GHR: variants seen among roughly 807,000 people sequenced by gnomAD.
GHR encodes the protein GH receptor.
Under a neutral mutation model 67.1 loss-of-function variants are expected in GHR, and 35 were observed. The observed-to-expected ratio is 0.52, with a 90% CI of 0.40 to 0.69. The LOEUF (loss-of-function observed/expected upper bound fraction) is 0.69, where lower values mean the gene tolerates loss of function less well. Among genes scored for constraint, GHR ranks in the 30% least tolerant of loss-of-function variants. The pLI is 0.00. For synonymous variants in GHR, 272 were observed against 269.1 expected (o/e 1.01, Z -0.10); for missense variants, 792 against 764.6 (o/e 1.04, Z -0.42).
Position 42,548,438 on chromosome 5 carries a change from A to T in GHR, c.-11-17426A>T, listed in dbSNP as rs1442806916. ...ATCTGCTTGCATATATGAGTGAAAG[A>T]AAAAGGAAATTTAAAAAGTTCTTGA... On this transcript the variant is annotated intron_variant, in intron 1 of 9. Transcript: ENST00000230882. 4.1e-6 allele frequency: 4 copies of T among 984,968 alleles called. No individual in the cohort carries two copies. In the African/African-American group the frequency reaches 7.0e-5, roughly 17 times the overall value. 61.0% of individuals were successfully genotyped at this position (984,968 alleles called of 1,614,324 possible). A position where few individuals can be genotyped will look rare whatever the true frequency, so the allele number is the denominator to read the frequency against.
intron 7 of GHR, among the ~76,000 whole-genome samples, chr5:42,712,737 A>G (rs183828471): frequency 6.6e-6 from 1 of 152,148 alleles, no homozygotes; most frequent in East Asian, 1.9e-4. Context: ...TTAAGGAATG[A>G]AATAGAAGTT....
intron 2 of GHR, among the ~76,000 whole-genome samples, chr5:42,581,313 C>T (rs956589218): frequency 2.0e-5 from 3 of 152,158 alleles, no homozygotes; most frequent in Admixed American, 6.5e-5. Context: ...TAGAATTTTC[C>T]TACTTGCAAG....
At chr5:42,594,844 A>C (rs1011562818) in intron 2 of GHR, among the ~76,000 whole-genome samples, 1 of 152,214 alleles carries the variant, frequency 6.6e-6, no homozygotes, top group Non-Finnish European at 1.5e-5. Context: ...AAAACAACAC[A>C]TCCCATTAGC....
At chr5:42,579,969 T>G (rs1424901285) in intron 2 of GHR, among the ~76,000 whole-genome samples, 1 of 152,066 alleles carries the variant, frequency 6.6e-6, no homozygotes, top group African/African-American at 2.4e-5. Context: ...TCTATTGGTA[T>G]ATTCAAGTTT....
chr5:42,663,606 G>A (rs1259804645), intron 3 of GHR, among the ~76,000 whole-genome samples: 1 of 152,080 alleles, frequency 6.6e-6, no homozygotes, highest in Non-Finnish European at 1.5e-5. Context: ...AAAATAATAA[G>A]AGCTATATAT....
intron 3 of GHR, among the ~76,000 whole-genome samples, chr5:42,633,599 C>T (rs1001959149): frequency 1.3e-5 from 2 of 152,092 alleles, no homozygotes; most frequent in Admixed American, 1.3e-4. Flanking sequence ...TCCAAGCCAC[C>T]ATACTCTGTT....
At chr5:42,660,327 T>G (rs1044047200) in intron 3 of GHR, among the ~76,000 whole-genome samples, 28 of 152,300 alleles carry the variant, frequency 1.8e-4, no homozygotes, top group African/African-American at 6.7e-4. Context: ...CCCTGACCCC[T>G]GACCCCTGAG....
At chr5:42,505,071 G>C (rs977342306) in intron 1 of GHR, among the ~76,000 whole-genome samples, 5 of 151,216 alleles carry the variant, frequency 3.3e-5, no homozygotes, top group African/African-American at 1.2e-4. Context: ...TGCCTCTTAG[G>C]CTTGCCCTGT....
chr5:42,525,398 T>C (rs1314586501), intron 1 of GHR, among the ~76,000 whole-genome samples: 3 of 152,344 alleles, frequency 2.0e-5, no homozygotes, highest in Non-Finnish European at 4.4e-5. Context: ...TATTGTTTTG[T>C]CCAATTTCTT....
At chr5:42,603,841 G>A (rs1200669851) in intron 2 of GHR, among the ~76,000 whole-genome samples, 1 of 152,126 alleles carries the variant, frequency 6.6e-6, no homozygotes, top group African/African-American at 2.4e-5. Flanking sequence ...AGATCCTACA[G>A]ATTGGGGGCT....
At chr5:42,540,946 T>G (rs1748488423) in intron 1 of GHR, among the ~76,000 whole-genome samples, 1 of 151,808 alleles carries the variant, frequency 6.6e-6, no homozygotes, top group African/African-American at 2.4e-5. Flanking sequence ...TTTCCTTGTT[T>G]TTTTTTTTTT....
At chr5:42,583,869 T>C (rs1308356557) in intron 2 of GHR, among the ~76,000 whole-genome samples, 1 of 145,546 alleles carries the variant, frequency 6.9e-6, no homozygotes, top group East Asian at 2.2e-4. Context: ...ATATATATCT[T>C]TAAATAAAGA....
intron 3 of GHR, among the ~76,000 whole-genome samples, chr5:42,682,464 A>T (rs74478223): frequency 0.017 from 2,642 of 152,324 alleles, 136 homozygotes; most frequent in South Asian, 0.15. Flanking sequence ...GGATTTTTAG[A>T]CATAGTGAGA....
In GHR at chr5:42,720,211, C is replaced by A. The variant is rs1172297290; in HGVS notation, c.*787C>A. On this transcript the variant is annotated 3_prime_UTR_variant, in exon 10 of 10. Coordinates refer to ENST00000230882, the MANE Select transcript of GHR (RefSeq NM_000163.5). Reference sequence around the variant, plus strand: ...CATTATTGGAATATAATTGTTTTATCTGAATTTTTAAACAAGTATTTGTTA... The same window carrying A: ...CATTATTGGAATATAATTGTTTTATATGAATTTTTAAACAAGTATTTGTTA... 3 of 152,156 alleles carry A rather than the reference C, an allele frequency of 2.0e-5. No homozygotes were observed. The highest frequency in any genetic ancestry group is 4.4e-5 in the Non-Finnish European group (3 of 68,042). 9.4% of individuals were successfully genotyped at this position (152,156 alleles called of 1,614,324 possible). A position where few individuals can be genotyped will look rare whatever the true frequency, so the allele number is the denominator to read the frequency against.
At chr5:42,716,635 C>T (rs55660133) in intron 8 of GHR, among the ~76,000 whole-genome samples, 36,269 of 152,048 alleles carry the variant, frequency 0.24, 4,868 homozygotes, top group Admixed American at 0.35. Flanking sequence ...TTATCAGAAG[C>T]ACTAAAAAAT....
At chr5:42,689,754 G>A (rs1256312440) in intron 4 of GHR, among the ~76,000 whole-genome samples, 1 of 152,192 alleles carries the variant, frequency 6.6e-6, no homozygotes, top group Non-Finnish European at 1.5e-5. Flanking sequence ...ATAGGCAAGG[G>A]CAAGGCTTTG....
At chr5:42,564,056 G>C (rs1749785339) in intron 1 of GHR, among the ~76,000 whole-genome samples, 1 of 152,028 alleles carries the variant, frequency 6.6e-6, no homozygotes, top group African/African-American at 2.4e-5. Context: ...TTAAAAACAT[G>C]AATGTTGTAA....
At chr5:42,512,207 AC>A (rs1260710021) in intron 1 of GHR, among the ~76,000 whole-genome samples, 3 of 152,212 alleles carry the variant, frequency 2.0e-5, no homozygotes, top group African/African-American at 7.2e-5. Flanking sequence ...ACAAGGCTTC[AC>A]AAGGGTGCTG....
At chr5:42,474,329 G>GAA (rs1745189019) in intron 1 of GHR, among the ~76,000 whole-genome samples, 8 of 146,422 alleles carry the variant, frequency 5.5e-5, no homozygotes, top group Non-Finnish European at 1.2e-4. Flanking sequence ...AAGAAAGAAA[G>GAA]AAAGAAAGAA....
Sources: allele counts gnomAD v4.1 joint callset (sites outside exome capture counted in the v4.1 genomes callset), GRCh38; gene constraint gnomAD v4.1.1; transcripts MANE v1.5; gene names NCBI Gene and HGNC (gene_info 2026-07-23, HGNC 2026-07-21).